Variants in ACSM2B observed in about 807,000 individuals in gnomAD.
The protein encoded by ACSM2B is acyl-coenzyme A synthetase ACSM2B, mitochondrial.
A neutral mutation model predicts 78.6 loss-of-function variants in ACSM2B; 58 were observed. That is an observed-to-expected ratio of 0.74 (90% CI 0.60 to 0.92). ACSM2B has a LOEUF of 0.92. Among genes scored for constraint, ACSM2B ranks in the 40% least tolerant of loss-of-function variants. The pLI is 0.00. For synonymous variants in ACSM2B, 257 were observed against 256.8 expected (o/e 1.00, Z -0.01); for missense variants, 688 against 711.2 (o/e 0.97, Z 0.37).
chr16:20,555,340 A>G lies in ACSM2B; in HGVS notation c.525T>C (p.Pro175=). ...QEVDTVASEC[P]SLRIKLLVSE... is the part of the protein sequence containing the mutation. ...ACACCAGTAGCTTAATTCTCAGAGAAGGACATTCAGATGCCACTGTGTCCA... is the reference window on the plus strand; with the variant it reads ...ACACCAGTAGCTTAATTCTCAGAGAGGGACATTCAGATGCCACTGTGTCCA... The change falls in exon 4 of 14, where the codon CCT becomes CCC. Residue 175 remains proline, a synonymous_variant. Transcript: ENST00000329697. 1.2e-6 allele frequency: 2 copies of G among 1,613,916 alleles called. No individual in the cohort carries two copies. The highest frequency in any genetic ancestry group is 1.7e-6 in the Non-Finnish European group (2 of 1,179,840).
chr16:20,567,216 CTA>C (rs1402218438), intron 1 of ACSM2B, among the ~76,000 whole-genome samples: 1 of 124,910 alleles, frequency 8.0e-6, no homozygotes, highest in Non-Finnish European at 1.6e-5. Context: ...ATATATTATA[CTA>C]TATACTATAT....
At chr16:20,574,676 A>T (rs1283108357) in intron 1 of ACSM2B, 2 of 147,724 alleles carry the variant, frequency 1.4e-5, no homozygotes, top group Non-Finnish European at 2.9e-5. Context: ...TCACTTTAAC[A>T]GTAGATACTT....
chr16:20,542,995 C>T lies in ACSM2B; in HGVS notation c.1428G>A (p.Ser476=), dbSNP rs148194016. The change falls in exon 12 of 14, where the codon TCG becomes TCA. Residue 476 remains serine, a synonymous_variant. Transcript: ENST00000329697. ...GCTTCATCAGTGCATTCTCTACCTC[C>T]GAGGGTCCAATCCGGTACCTGCAGA... The part of the protein sequence containing the change: ...INSSGYRIGP[S]EVENALMKHP... 4,691 of 1,613,624 alleles carry T rather than the reference C, an allele frequency of 2.9e-3. 12 individuals carry two copies. The highest frequency in any genetic ancestry group is 3.7e-3 in the Non-Finnish European group (4,330 of 1,179,852).
At chr16:20,564,980 T>C (rs1170840397) in intron 1 of ACSM2B, 127 bp from the exon 2 acceptor site, 6 of 1,286,216 alleles carry the variant, frequency 4.7e-6, no homozygotes, top group Non-Finnish European at 3.1e-6. Flanking sequence ...GCTGTAGTTA[T>C]GAGTAAATTG....
chr16:20,553,982 C>T, intron 4 of ACSM2B, 62 bp from the exon 5 acceptor site: 2 of 1,605,720 alleles, frequency 1.2e-6, no homozygotes, highest in Non-Finnish European at 1.7e-6. Flanking sequence ...ATCAAAGTGA[C>T]CCATCTTTTC....
chr16:20,566,247 T>TTATATATATATA (rs200052689), intron 1 of ACSM2B, among the ~76,000 whole-genome samples: 9 of 69,978 alleles, frequency 1.3e-4, no homozygotes, highest in Non-Finnish European at 1.6e-4. Flanking sequence ...TCATGGAAGA[T>TTATATATATATA]TATATATATA....
chr16:20,571,131 G>C (rs1056506901), intron 1 of ACSM2B, among the ~76,000 whole-genome samples: 2 of 151,770 alleles, frequency 1.3e-5, no homozygotes, highest in African/African-American at 4.8e-5. Context: ...ATTTGTTCTT[G>C]TTTGTCTAGT....
At chr16:20,538,788 T>C (rs1288623216) in intron 13 of ACSM2B, among the ~76,000 whole-genome samples, 1 of 152,156 alleles carries the variant, frequency 6.6e-6, no homozygotes, top group African/African-American at 2.4e-5. Context: ...GCAGAGGTTA[T>C]CGAGTAAGTG....
At chr16:20,545,808 A>T (rs2015123020) in intron 9 of ACSM2B, among the ~76,000 whole-genome samples, 2 of 152,228 alleles carry the variant, frequency 1.3e-5, no homozygotes, top group African/African-American at 2.4e-5. Flanking sequence ...TACACTTTAG[A>T]TATACAGAAC....
At chr16:20,544,121 CAT>C (rs1455757306) in intron 10 of ACSM2B, among the ~76,000 whole-genome samples, 1 of 152,160 alleles carries the variant, frequency 6.6e-6, no homozygotes, top group African/African-American at 2.4e-5. Flanking sequence ...AAGCCCATGA[CAT>C]AGTACTTCAC....
intron 10 of ACSM2B, among the ~76,000 whole-genome samples, chr16:20,543,920 A>G (rs1395568317): frequency 2.0e-5 from 3 of 152,228 alleles, no homozygotes; most frequent in South Asian, 4.1e-4. Context: ...ATATAGGGAT[A>G]CTGATGATCA....
intron 10 of ACSM2B, 195 bp downstream of exon 10, chr16:20,544,962 C>G (rs531267102): frequency 9.9e-7 from 1 of 1,007,622 alleles, no homozygotes; most frequent in African/African-American, 1.6e-5. Flanking sequence ...AATGAGATCA[C>G]AGTGATAGGC....
At chr16:20,568,531 G>C (rs1322198473) in intron 1 of ACSM2B, among the ~76,000 whole-genome samples, 1 of 151,124 alleles carries the variant, frequency 6.6e-6, no homozygotes, top group African/African-American at 2.4e-5. Flanking sequence ...CTATAAACAT[G>C]CATGTGCAGT....
In ACSM2B at chr16:20,548,178, A is replaced by G. The variant is rs534063904; in HGVS notation, c.982T>C (p.Phe328Leu). 5.0e-6 allele frequency: 8 copies of G among 1,614,048 alleles called. No individual in the cohort carries two copies. In the South Asian group the frequency reaches 7.7e-5, roughly 16 times the overall value. Residue 328 changes from phenylalanine to leucine, a missense_variant, in exon 8 of 14, where the codon TTC becomes CTC. Physicochemically the swap from Phe to Leu is conservative, Grantham distance 22 (BLOSUM62 0). Coordinates refer to ENST00000329697, the MANE Select transcript of ACSM2B (RefSeq NM_001105069.2). ...LLQQDLSSYK[F>L]PHLQNCLAGG... ...GCGAGGCAGTTCTGTAGATGGGGGA[A>G]CTTGTAACTGAAGAAGAGAAATAAA...
chr16:20,575,960 A>G (rs1205983164), intron 1 of ACSM2B, among the ~76,000 whole-genome samples: 1 of 150,774 alleles, frequency 6.6e-6, no homozygotes, highest in East Asian at 2.0e-4. Flanking sequence ...CCACCACCCA[A>G]CTACCAGCCC....
At chr16:20,547,005 C>T (rs919434925) in intron 8 of ACSM2B, 2 of 639,112 alleles carry the variant, frequency 3.1e-6, no homozygotes, top group African/African-American at 3.9e-5. Context: ...ACCAGTTCTG[C>T]TTGAACCCTG....
intron 5 of ACSM2B, among the ~76,000 whole-genome samples, chr16:20,552,770 C>A (rs1355806872): frequency 6.6e-6 from 1 of 152,116 alleles, no homozygotes; most frequent in Non-Finnish European, 1.5e-5. Context: ...TGAACTCATC[C>A]CTTTTCTCTT....
intron 1 of ACSM2B, among the ~76,000 whole-genome samples, chr16:20,566,076 A>C (rs925407263): frequency 6.8e-6 from 1 of 147,066 alleles, no homozygotes; most frequent in Non-Finnish European, 1.5e-5. Context: ...AATAATATAT[A>C]TACTATGTAT....
chr16:20,549,523 T>G (rs1481292276), intron 6 of ACSM2B: 1 of 202,786 alleles, frequency 4.9e-6, no homozygotes, highest in African/African-American at 2.4e-5. Context: ...TAATCCCTCA[T>G]GAGGCCCAAT....
Sources: gnomAD v4.1 joint callset for allele counts (sites outside exome capture counted in the v4.1 genomes callset) on GRCh38, gnomAD v4.1.1 for gene constraint, MANE v1.5 for transcripts, NCBI Gene and HGNC (gene_info 2026-07-23, HGNC 2026-07-21) for gene names.